The following SLC41A3 variants were observed in gnomAD, a reference collection of about 807,000 sequenced individuals.
SLC41A3 encodes the protein solute carrier family 41 member 3.
In SLC41A3, 44 loss-of-function variants were observed where a neutral mutation model predicts 45.4. That is an observed-to-expected ratio of 0.97 (90% CI 0.76 to 1.25). The LOEUF is 1.25. Among genes scored for constraint, SLC41A3 ranks in the 50% most tolerant of loss-of-function variants. The pLI, the probability that SLC41A3 is intolerant of heterozygous loss-of-function variation, is 0.00. For synonymous variants in SLC41A3, 256 were observed against 252.4 expected (o/e 1.01, Z -0.13); for missense variants, 550 against 600.6 (o/e 0.92, Z 0.88).
chr3:126,092,357 C>A (rs1945505402), intron 1 of SLC41A3, among the ~76,000 whole-genome samples: 1 of 152,268 alleles, frequency 6.6e-6, no homozygotes, highest in South Asian at 2.1e-4. Flanking sequence ...GCCAGACCTA[C>A]CCCTTTATTT....
intron 3 of SLC41A3, among the ~76,000 whole-genome samples, chr3:126,036,238 C>T (rs185243844): frequency 1.7e-4 from 26 of 152,366 alleles, no homozygotes; most frequent in Non-Finnish European, 2.2e-4. Context: ...TCTCCATGCA[C>T]GCCTCGGGCC....
At chr3:126,094,201 A>T (rs1189214358) in intron 1 of SLC41A3, among the ~76,000 whole-genome samples, 1 of 152,204 alleles carries the variant, frequency 6.6e-6, no homozygotes, top group Non-Finnish European at 1.5e-5. Context: ...CTGGTATGGG[A>T]CTAGAAAAAA....
At chr3:126,073,853 C>T (rs1198198084) in intron 1 of SLC41A3, among the ~76,000 whole-genome samples, 5 of 152,096 alleles carry the variant, frequency 3.3e-5, no homozygotes, top group Admixed American at 6.6e-5. Context: ...GGAACACTTC[C>T]CAACCGCTTG....
At chr3:126,065,809 T>A (rs538170870) in intron 2 of SLC41A3, among the ~76,000 whole-genome samples, 17 of 152,278 alleles carry the variant, frequency 1.1e-4, no homozygotes, top group African/African-American at 4.1e-4. Context: ...AATGAAATGA[T>A]CAATTTCCTT....
chr3:126,076,827 A>G (rs76819630), intron 1 of SLC41A3, among the ~76,000 whole-genome samples: 343 of 152,308 alleles, frequency 2.3e-3, no homozygotes, highest in Non-Finnish European at 3.8e-3. Context: ...TAGATCAACA[A>G]AGTAACACTC....
intron 2 of SLC41A3, among the ~76,000 whole-genome samples, chr3:126,066,700 G>A (rs371087939): frequency 3.3e-5 from 5 of 152,308 alleles, no homozygotes; most frequent in South Asian, 2.1e-4. Context: ...TTGGAAGGCC[G>A]GGGTGTTGCA....
At chr3:126,073,859 G>A (rs1025603827) in intron 1 of SLC41A3, among the ~76,000 whole-genome samples, 5 of 152,008 alleles carry the variant, frequency 3.3e-5, no homozygotes, top group South Asian at 2.1e-4. Flanking sequence ...CTTCCCAACC[G>A]CTTGTATGAG....
chr3:126,092,951 A>C (rs886781504), intron 1 of SLC41A3, among the ~76,000 whole-genome samples: 2 of 152,186 alleles, frequency 1.3e-5, no homozygotes, highest in Non-Finnish European at 2.9e-5. Context: ...ATTTTGAAGA[A>C]AAAGACCCTC....
chr3:126,069,938 G>A (rs1348340472), intron 1 of SLC41A3, among the ~76,000 whole-genome samples: 6 of 151,816 alleles, frequency 4.0e-5, no homozygotes, highest in South Asian at 4.2e-4. Context: ...TATGAAGAAC[G>A]GAAATGAAAA....
rs1438537805 is a variant in SLC41A3, at chr3:126,033,613, G to A, written c.447C>T (p.Leu149=). The A allele has an allele frequency of 6.2e-7, 1 of 1,612,302 alleles. No homozygotes were observed. Among genetic ancestry groups the A allele is most frequent in the Admixed American group, 1.7e-5 (1 of 59,900 alleles). The change falls in exon 4 of 11, where the codon CTC becomes CTT. Residue 149 remains leucine (L), a synonymous_variant. Coordinates refer to ENST00000360370, the MANE Select transcript of SLC41A3 (RefSeq NM_017836.4). The part of the protein sequence containing the change: ...QHRVISSNLA[L]IQVQATVVGL... ...GGACAAGGTGAAGACTCACCTGGATGAGGGCCAGGTTGCTGCTGATGACTC... is the reference window on the plus strand; with the variant it reads ...GGACAAGGTGAAGACTCACCTGGATAAGGGCCAGGTTGCTGCTGATGACTC...
At chr3:126,056,254 C>G in intron 2 of SLC41A3, 1 of 1,433,914 alleles carries the variant, frequency 7.0e-7, no homozygotes, top group East Asian at 2.3e-5. Context: ...GGCTGCCCTC[C>G]CACTGTAGAG....
chr3:126,056,266 C>G, intron 2 of SLC41A3: 1 of 1,492,518 alleles, frequency 6.7e-7, no homozygotes. Flanking sequence ...ACTGTAGAGG[C>G]CCCTCATGTC....
At chr3:126,051,083 C>A (rs1233057622) in intron 2 of SLC41A3, 33 bp from the exon 3 acceptor site, 2 of 1,542,814 alleles carry the variant, frequency 1.3e-6, no homozygotes, top group Non-Finnish European at 1.8e-6. Context: ...ATAAGCCAAA[C>A]ACACACATCA....
intron 3 of SLC41A3, among the ~76,000 whole-genome samples, chr3:126,039,147 T>C (rs1230194469): frequency 6.6e-6 from 1 of 152,134 alleles, no homozygotes; most frequent in Admixed American, 6.5e-5. Context: ...CAAATAAACC[T>C]CTTTTCTTTA....
At chr3:126,008,598 C>A in intron 10 of SLC41A3, 134 bp downstream of exon 10, 1 of 1,262,440 alleles carries the variant, frequency 7.9e-7, no homozygotes. Context: ...GACTCAACTC[C>A]TGGAAGATAA....
intron 9 of SLC41A3, among the ~76,000 whole-genome samples, chr3:126,012,085 C>T (rs950013557): frequency 1.3e-5 from 2 of 152,166 alleles, no homozygotes; most frequent in African/African-American, 4.8e-5. Context: ...CAGCTCAGGC[C>T]ACATTGGCCT....
At chr3:126,048,983 C>G (rs1163016889) in intron 3 of SLC41A3, among the ~76,000 whole-genome samples, 1 of 152,074 alleles carries the variant, frequency 6.6e-6, no homozygotes, top group Admixed American at 6.5e-5. Context: ...TGTCTGCTCT[C>G]CTTTGACAGA....
At chr3:126,064,016 A>T (rs1020898434) in intron 2 of SLC41A3, among the ~76,000 whole-genome samples, 3 of 144,784 alleles carry the variant, frequency 2.1e-5, no homozygotes, top group Admixed American at 1.5e-4. Flanking sequence ...CTTCCTGGAC[A>T]AGAGCACCAC....
intron 3 of SLC41A3, among the ~76,000 whole-genome samples, chr3:126,046,325 T>C (rs915177734): frequency 5.3e-5 from 8 of 150,662 alleles, no homozygotes; most frequent in Admixed American, 6.7e-5. Context: ...TTGCAGATAA[T>C]GTAATCTTAT....
Sources: gnomAD v4.1 joint callset for allele counts (sites outside exome capture counted in the v4.1 genomes callset) on GRCh38, gnomAD v4.1.1 for gene constraint, MANE v1.5 for transcripts, NCBI Gene and HGNC (gene_info 2026-07-23, HGNC 2026-07-21) for gene names.